The following PCCA variants were observed in gnomAD, a reference collection of about 807,000 sequenced individuals.
PCCA encodes propionyl-CoA carboxylase alpha chain, mitochondrial.
PCCA carries 74 observed loss-of-function variants against 101.3 expected under a neutral mutation model. The observed-to-expected ratio is 0.73, with a 90% CI of 0.61 to 0.89. The LOEUF (loss-of-function observed/expected upper bound fraction) is 0.89, where lower values mean the gene tolerates loss of function less well. Among genes scored for constraint, PCCA ranks in the 40% least tolerant of loss-of-function variants. The pLI is 0.00. For synonymous variants in PCCA, 294 were observed against 313.6 expected (o/e 0.94, Z 0.66); for missense variants, 891 against 907.0 (o/e 0.98, Z 0.23).
chr13:100,112,886 AT>A (rs5806150), intron 4 of PCCA, among the ~76,000 whole-genome samples: 140,208 of 152,070 alleles, frequency 0.92, 64,790 homozygotes, highest in East Asian at 0.99. Flanking sequence ...CACAGCAGGG[AT>A]TTTTTTTAGT....
chr13:100,099,030 T>C (rs2047026085), intron 1 of PCCA, among the ~76,000 whole-genome samples: 1 of 152,202 alleles, frequency 6.6e-6, no homozygotes, highest in African/African-American at 2.4e-5. Context: ...TGAAGTAAAC[T>C]AATGTTTACT....
At chr13:100,230,412 G>C (rs1016412419) in intron 7 of PCCA, among the ~76,000 whole-genome samples, 2 of 152,078 alleles carry the variant, frequency 1.3e-5, no homozygotes, top group Non-Finnish European at 2.9e-5. Flanking sequence ...GGGTGTGGTG[G>C]TGTTTGCCTG....
At chr13:100,491,607 A>T (rs1566447292) in intron 21 of PCCA, 1 of 1,274,250 alleles carries the variant, frequency 7.8e-7, no homozygotes, top group African/African-American at 1.5e-5. Flanking sequence ...CTCGGTTGTG[A>T]AATAATGGCC....
intron 16 of PCCA, among the ~76,000 whole-genome samples, chr13:100,314,959 G>T (rs2067214308): frequency 6.6e-6 from 1 of 152,184 alleles, no homozygotes; most frequent in Admixed American, 6.5e-5. Context: ...TGTTAGGCTT[G>T]TCTGATTTTG....
chr13:100,323,672 G>A (rs1333806842), intron 16 of PCCA, among the ~76,000 whole-genome samples: 1 of 152,148 alleles, frequency 6.6e-6, no homozygotes, highest in African/African-American at 2.4e-5. Context: ...CAGTGCTGAA[G>A]CTTAGGATGC....
intron 6 of PCCA, among the ~76,000 whole-genome samples, chr13:100,207,172 GTACA>G (rs1410291279): frequency 6.6e-6 from 1 of 152,080 alleles, no homozygotes; most frequent in Non-Finnish European, 1.5e-5. Flanking sequence ...TTTTCCTCCT[GTACA>G]TTATTTTATT....
chr13:100,443,970 T>G (rs1192624017), intron 20 of PCCA, among the ~76,000 whole-genome samples: 1 of 152,138 alleles, frequency 6.6e-6, no homozygotes, highest in African/African-American at 2.4e-5. Context: ...TTCTAAAACA[T>G]GAGCATGTCA....
chr13:100,200,814 T>C (rs559456422), intron 6 of PCCA, among the ~76,000 whole-genome samples: 84 of 152,004 alleles, frequency 5.5e-4, no homozygotes, highest in African/African-American at 2.0e-3. Context: ...TATATAACAA[T>C]ATAGAAGTAT....
At chr13:100,224,089 G>A (rs2059988249) in intron 7 of PCCA, among the ~76,000 whole-genome samples, 1 of 152,244 alleles carries the variant, frequency 6.6e-6, no homozygotes, top group Non-Finnish European at 1.5e-5. Context: ...ACTGGGCACC[G>A]TGGAGCAGGG....
At chr13:100,462,890 C>T (rs79766634) in intron 21 of PCCA, among the ~76,000 whole-genome samples, 2 of 152,122 alleles carry the variant, frequency 1.3e-5, no homozygotes, top group East Asian at 1.9e-4. Context: ...GAGGTGTATA[C>T]GAAGTAGAGG....
At chr13:100,399,577 G>A (rs2077218631) in intron 19 of PCCA, among the ~76,000 whole-genome samples, 1 of 152,174 alleles carries the variant, frequency 6.6e-6, no homozygotes, top group Non-Finnish European at 1.5e-5. Context: ...GTAGGCAGGT[G>A]CAGATGTTAC....
chr13:100,444,604 A>G (rs1053899968), intron 20 of PCCA, among the ~76,000 whole-genome samples: 3 of 151,688 alleles, frequency 2.0e-5, no homozygotes, highest in East Asian at 1.9e-4. Context: ...CACCATGCCC[A>G]GCTAATTTTT....
chr13:100,226,534 CCTGT>C (rs1445972225), intron 7 of PCCA, among the ~76,000 whole-genome samples: 2 of 152,154 alleles, frequency 1.3e-5, no homozygotes, highest in East Asian at 3.8e-4. Flanking sequence ...TTCGAATGTG[CCTGT>C]CTTTGTTGTA....
intron 6 of PCCA, among the ~76,000 whole-genome samples, chr13:100,187,754 C>T (rs1224831675): frequency 6.6e-6 from 1 of 151,960 alleles, no homozygotes; most frequent in Non-Finnish European, 1.5e-5. Context: ...GGGGGTGGCA[C>T]TCTTTTTATT....
At chr13:100,469,009 C>G (rs1035261028) in intron 21 of PCCA, among the ~76,000 whole-genome samples, 2 of 151,184 alleles carry the variant, frequency 1.3e-5, no homozygotes, top group Non-Finnish European at 3.0e-5. Flanking sequence ...GTCGGGAGTT[C>G]GAGAGCAGCC....
chr13:100,243,113 C>T (rs1335355420), intron 8 of PCCA, among the ~76,000 whole-genome samples: 1 of 152,226 alleles, frequency 6.6e-6, no homozygotes, highest in East Asian at 1.9e-4. Flanking sequence ...CCAGACTAGT[C>T]TGAAACTCCT....
At chr13:100,323,134 C>T (rs2068245387) in intron 16 of PCCA, among the ~76,000 whole-genome samples, 1 of 152,218 alleles carries the variant, frequency 6.6e-6, no homozygotes, top group Non-Finnish European at 1.5e-5. Flanking sequence ...TCTGCTGTTA[C>T]AACATGAAAA....
At chr13:100,429,043 G>A (rs930897709) in intron 20 of PCCA, among the ~76,000 whole-genome samples, 1 of 152,100 alleles carries the variant, frequency 6.6e-6, no homozygotes. Context: ...GGCAAAGAGA[G>A]AAGTCAGCAG....
chr13:100,188,264 G>T (rs2057452171), intron 6 of PCCA, among the ~76,000 whole-genome samples: 1 of 149,100 alleles, frequency 6.7e-6, no homozygotes, highest in Admixed American at 6.8e-5. Flanking sequence ...CTGCACTCCA[G>T]CCTGGCGACA....
Sources: allele counts gnomAD v4.1 joint callset (sites outside exome capture counted in the v4.1 genomes callset), GRCh38; gene constraint gnomAD v4.1.1; transcripts MANE v1.5; gene names NCBI Gene and HGNC (gene_info 2026-07-23, HGNC 2026-07-21).